Variants in FRMPD1 observed in about 807,000 individuals in gnomAD.
FRMPD1 encodes the protein FERM and PDZ domain-containing protein 1.
Under a neutral mutation model 117.8 loss-of-function variants are expected in FRMPD1, and 76 were observed. That is an observed-to-expected ratio of 0.65 (90% CI 0.54 to 0.78). The LOEUF is 0.78. Among genes scored for constraint, FRMPD1 ranks in the 30% least tolerant of loss-of-function variants. The probability of loss-of-function intolerance (pLI) is 0.00; values close to 1 mark genes in which losing one functional copy is unlikely to be tolerated. For synonymous variants in FRMPD1, 783 were observed against 770.4 expected (o/e 1.02, Z -0.27); for missense variants, 1,786 against 1,964.5 (o/e 0.91, Z 1.72).
In FRMPD1 at chr9:37,740,995, C is replaced by T; in HGVS notation, c.2356+111C>T. On this transcript the variant is annotated intron_variant, in intron 15 of 15. Coordinates refer to ENST00000377765, the MANE Select transcript of FRMPD1 (RefSeq NM_014907.3). This position sits in a 1 kb window ranked among gnomAD's most constrained non-coding sequence, Gnocchi z 4.2. ...GGAAGGCACATGAGTGAAACAGGGT[C>T]CCTGTACACTTCTGAGGAGGTAGAT... 1 of 805,558 alleles carries T rather than the reference C, an allele frequency of 1.2e-6. No homozygotes were observed. Among genetic ancestry groups the T allele is most frequent in the Non-Finnish European group, 2.1e-6 (1 of 472,622 alleles). The allele number at this position is 805,558 out of a possible 1,614,324, so 49.9% of individuals were successfully genotyped here.
chr9:37,623,778 C>G, the FRMPD1 span, among the ~76,000 whole-genome samples: 1 of 152,084 alleles, frequency 6.6e-6, no homozygotes, highest in African/African-American at 2.4e-5. Context: ...TGGGAGTCTA[C>G]TAAGACCATC....
rs762817179 is a variant in FRMPD1 at position 37,707,492 on chromosome 9, A to G, written c.178A>G (p.Ile60Val). 1.9e-6 allele frequency: 3 copies of G among 1,613,950 alleles called. No homozygotes were observed. Among genetic ancestry groups the G allele is most frequent in the Non-Finnish European group, 2.5e-6 (3 of 1,179,868 alleles). The change falls in exon 3 of 16, where the codon ATA becomes GTA. Residue 60 changes from isoleucine to valine, a missense_variant. Ile to Val is a conservative substitution (Grantham distance 29). Transcript: ENST00000377765. The part of the protein sequence containing the change: ...TLIPVRHTVK[I>V]DKDTLLQDYG... The stretch of plus-strand genomic sequence containing the variant: ...CATCCCTGTGCGACACACAGTAAAG[A>G]TAGACAAAGACACCCTCCTCCAGGA...
chr9:37,721,097 C>T (rs975034621), intron 6 of FRMPD1, among the ~76,000 whole-genome samples: 2 of 152,204 alleles, frequency 1.3e-5, no homozygotes, highest in Non-Finnish European at 2.9e-5. Flanking sequence ...GAACAACTTT[C>T]ACCTGAACTG....
At position 37,719,095 on chromosome 9, in the gene FRMPD1, C is replaced by T. The variant is rs774428491; in HGVS notation, c.435C>T (p.Thr145=). 4.1e-5 allele frequency: 66 copies of T among 1,612,520 alleles called. No homozygotes were observed. The highest frequency in any genetic ancestry group is 1.7e-4 in the Admixed American group (10 of 59,976). ...TSGVPKSSFL[T]EEKRARLKTN... ...GAGTCCCTAAATCGTCCTTCCTGAC[C>T]GAGGAGAAGAGAGCCAGACTGAAGA... The change falls in exon 6 of 16, where the codon ACC becomes ACT. Residue 145 remains threonine (T), a synonymous_variant. Coordinates refer to ENST00000377765, the MANE Select transcript of FRMPD1 (RefSeq NM_014907.3).
the FRMPD1 span, among the ~76,000 whole-genome samples, chr9:37,621,131 T>C: frequency 6.6e-6 from 1 of 152,174 alleles, no homozygotes; most frequent in Non-Finnish European, 1.5e-5. Flanking sequence ...CAATATTTCA[T>C]ATCAGGAAGG....
chr9:37,674,052 T>G (rs964259373), intron 1 of FRMPD1, among the ~76,000 whole-genome samples: 33 of 152,232 alleles, frequency 2.2e-4, no homozygotes, highest in Non-Finnish European at 2.5e-4. Flanking sequence ...GGCTTGAATT[T>G]CTCCCAGAAA....
chr9:37,612,839 G>A, the FRMPD1 span, among the ~76,000 whole-genome samples: 1 of 152,134 alleles, frequency 6.6e-6, no homozygotes, highest in East Asian at 1.9e-4. Flanking sequence ...GAGATGTCCT[G>A]TTTTTAAGTG....
At chr9:37,706,753 A>G (rs185602634) in intron 2 of FRMPD1, among the ~76,000 whole-genome samples, 119 of 152,362 alleles carry the variant, frequency 7.8e-4, no homozygotes, top group Admixed American at 2.4e-3. Context: ...AAAATTCATC[A>G]TAAAGAAACA....
chr9:37,729,638 C>A, intron 7 of FRMPD1, 90 bp from the exon 8 acceptor site: 1 of 1,368,594 alleles, frequency 7.3e-7, no homozygotes, highest in Non-Finnish European at 1.0e-6. Flanking sequence ...GCAGGCTTTT[C>A]TCTCCCTAGC....
At chr9:37,687,204 T>A (rs1821980815) in intron 1 of FRMPD1, among the ~76,000 whole-genome samples, 1 of 152,208 alleles carries the variant, frequency 6.6e-6, no homozygotes, top group Admixed American at 6.5e-5. Context: ...ATTTCTTGCC[T>A]TAGTCTGAGC....
At position 37,708,400 on chromosome 9, in the gene FRMPD1, A is replaced by G; in HGVS notation, c.261A>G (p.Gly87=). Residue 87 remains glycine (G), a splice_region_variant and synonymous_variant, in exon 4 of 16, where the codon GGA becomes GGG. Transcript: ENST00000377765. ...AATTACTTATTTTCTGTCCAACAGGAGGCTCTGCTCACGGCAAGCTTTTCC... is the reference window on the plus strand; with the variant it reads ...AATTACTTATTTTCTGTCCAACAGGGGGCTCTGCTCACGGCAAGCTTTTCC... ...LPLTVVAVTA[G]GSAHGKLFPG... 3 of 1,595,382 alleles carry G rather than the reference A, an allele frequency of 1.9e-6. No homozygotes were observed. The highest frequency in any genetic ancestry group is 2.6e-6 in the Non-Finnish European group (3 of 1,163,106).
chr9:37,658,042 C>T (rs1457091134), intron 1 of FRMPD1, among the ~76,000 whole-genome samples: 1 of 152,148 alleles, frequency 6.6e-6, no homozygotes, highest in African/African-American at 2.4e-5. Flanking sequence ...TCCATTTCTT[C>T]TTCCCTATGA....
chr9:37,646,368 G>A (rs531671691), upstream of FRMPD1, among the ~76,000 whole-genome samples: 37 of 152,314 alleles, frequency 2.4e-4, no homozygotes, highest in South Asian at 7.5e-3. Context: ...AAGGAATCAT[G>A]TCGTTTTAGA....
At chr9:37,711,017 A>T (rs1822889525) in intron 4 of FRMPD1, among the ~76,000 whole-genome samples, 1 of 151,550 alleles carries the variant, frequency 6.6e-6, no homozygotes, top group Admixed American at 6.6e-5. Flanking sequence ...TCACTGGATG[A>T]GTTCTTCATT....
chr9:37,642,010 A>T, the FRMPD1 span, among the ~76,000 whole-genome samples: 1 of 152,250 alleles, frequency 6.6e-6, no homozygotes, highest in Non-Finnish European at 1.5e-5. Flanking sequence ...CTAGAAAGGT[A>T]GGACAGGCCC....
intron 15 of FRMPD1, among the ~76,000 whole-genome samples, chr9:37,743,904 GAAA>G (rs139303991): frequency 1.4e-5 from 2 of 144,618 alleles, no homozygotes; most frequent in African/African-American, 5.1e-5. Flanking sequence ...CAAAAAAAAA[GAAA>G]AAAAAAAGTC....
chr9:37,683,428 A>G (rs1488318892), intron 1 of FRMPD1, among the ~76,000 whole-genome samples: 1 of 152,252 alleles, frequency 6.6e-6, no homozygotes, highest in Non-Finnish European at 1.5e-5. Context: ...TAGGCTGGGC[A>G]GGGATCATTA....
intron 5 of FRMPD1, among the ~76,000 whole-genome samples, chr9:37,714,630 G>A (rs13299427): frequency 0.076 from 3,730 of 49,402 alleles, 95 homozygotes; most frequent in African/African-American, 0.15. Context: ...ATTTTGTTTT[G>A]TTTTATTTTA....
chr9:37,610,014 C>T, the FRMPD1 span, among the ~76,000 whole-genome samples: 3 of 152,228 alleles, frequency 2.0e-5, no homozygotes, highest in African/African-American at 7.2e-5. Context: ...TTAGTTTTTA[C>T]AACTACCCCC....
Sources: gnomAD v4.1 joint callset for allele counts (sites outside exome capture counted in the v4.1 genomes callset) on GRCh38, gnomAD v4.1.1 for gene constraint, Gnocchi (gnomAD v3.1) non-coding constraint, MANE v1.5 for transcripts, NCBI Gene and HGNC (gene_info 2026-07-23, HGNC 2026-07-21) for gene names.